Variants in DYM observed in about 807,000 individuals in gnomAD.
The protein encoded by DYM is dymeclin.
DYM carries 78 observed loss-of-function variants against 93.1 expected under a neutral mutation model. That is an observed-to-expected ratio of 0.84 (90% CI 0.70 to 1.01). The LOEUF (loss-of-function observed/expected upper bound fraction) is 1.01, where lower values mean the gene tolerates loss of function less well. DYM is among the 50% of genes least tolerant of loss of function. The pLI is 0.00. For synonymous variants in DYM, 321 were observed against 319.7 expected (o/e 1.00, Z -0.04); for missense variants, 789 against 845.0 (o/e 0.93, Z 0.82).
chr18:49,335,784 G>C (rs2063613038), intron 6 of DYM, among the ~76,000 whole-genome samples: 1 of 151,462 alleles, frequency 6.6e-6, no homozygotes, highest in Non-Finnish European at 1.5e-5. Context: ...GGATGACTAT[G>C]TCCAATACAT....
chr18:49,084,871 T>C (rs111636841), intron 17 of DYM, among the ~76,000 whole-genome samples: 8 of 152,216 alleles, frequency 5.3e-5, no homozygotes. Flanking sequence ...TACACGCAGA[T>C]GGTAAAATTA....
intron 2 of DYM, among the ~76,000 whole-genome samples, chr18:49,421,005 G>A (rs2148339291): frequency 6.6e-6 from 1 of 152,226 alleles, no homozygotes; most frequent in Admixed American, 6.5e-5. Context: ...CCTAAACAAA[G>A]CAGCCGGGAA....
At chr18:49,252,076 T>C (rs2094299788) in intron 13 of DYM, among the ~76,000 whole-genome samples, 1 of 151,432 alleles carries the variant, frequency 6.6e-6, no homozygotes, top group African/African-American at 2.4e-5. Flanking sequence ...TAGCCAGGCA[T>C]GGTGGCATGC....
chr18:49,246,528 T>C lies in DYM; in HGVS notation c.1460+10482A>G, dbSNP rs116866042. Reference sequence around the variant, plus strand: ...TCTTTTCTCTCTGTTCTGGGAAAAATACTAGGCTATGAACCTAGATGACTT... The same window carrying C: ...TCTTTTCTCTCTGTTCTGGGAAAAACACTAGGCTATGAACCTAGATGACTT... On this transcript the variant is annotated intron_variant, in intron 13 of 17. Transcript: ENST00000675505. Among the ~76,000 whole-genome samples the C allele has an allele frequency of 3.0e-3, 445 of 150,008 alleles. 10 individuals are homozygous for C. The East Asian group carries it at 0.051, about 17-fold the overall frequency.
At chr18:49,255,455 A>C (rs2094372851) in intron 13 of DYM, among the ~76,000 whole-genome samples, 1 of 152,106 alleles carries the variant, frequency 6.6e-6, no homozygotes, top group South Asian at 2.1e-4. Context: ...TGGGCGGATC[A>C]TGAGGTTAGG....
At chr18:49,357,172 T>G (rs2065640281) in intron 6 of DYM, among the ~76,000 whole-genome samples, 1 of 152,232 alleles carries the variant, frequency 6.6e-6, no homozygotes, top group African/African-American at 2.4e-5. Context: ...CAACTCCAAA[T>G]GACTGTGGCA....
chr18:49,292,351 GACAGACACACACACACAC>G (rs1248031001), intron 8 of DYM, among the ~76,000 whole-genome samples: 5 of 106,674 alleles, frequency 4.7e-5, no homozygotes, highest in South Asian at 7.1e-4. Context: ...CAGACAGACA[GACAGACACACACACACAC>G]ACACACACAC....
At chr18:49,294,922 T>G (rs916555276) in intron 8 of DYM, among the ~76,000 whole-genome samples, 2 of 152,182 alleles carry the variant, frequency 1.3e-5, no homozygotes, top group African/African-American at 4.8e-5. Context: ...GCAGGTCAGA[T>G]AGCAGAGATG....
rs896423328 is a variant in DYM at position 49,056,816 on chromosome 18, C to G, written c.2026-12612G>C. On this transcript the variant is annotated intron_variant, in intron 17 of 17. Coordinates refer to ENST00000675505, the MANE Select transcript of DYM (RefSeq NM_001353214.3). ...CCCACCTTGGCCTCCCAAAGTGCTG[C>G]GATTACAGGCGTGAGCCACCGCGCC... 6.6e-5 allele frequency among the ~76,000 whole-genome samples: 10 copies of G among 151,980 alleles called. 1 individual carries two copies. The highest frequency in any genetic ancestry group is 1.9e-4 in the East Asian group (1 of 5,190).
chr18:49,215,451 G>A (rs1017912563), intron 13 of DYM, among the ~76,000 whole-genome samples: 7 of 152,156 alleles, frequency 4.6e-5, no homozygotes, highest in Admixed American at 4.6e-4. Flanking sequence ...TTTTATTATA[G>A]TTTTGAAATT....
At chr18:49,390,135 T>C (rs549049446) in intron 3 of DYM, among the ~76,000 whole-genome samples, 14 of 152,308 alleles carry the variant, frequency 9.2e-5, no homozygotes, top group South Asian at 2.1e-4. Flanking sequence ...ACAAAAATAT[T>C]TGGGCCCAGG....
intron 13 of DYM, among the ~76,000 whole-genome samples, chr18:49,220,884 C>G (rs2093322319): frequency 6.6e-6 from 1 of 152,160 alleles, no homozygotes; most frequent in Non-Finnish European, 1.5e-5. Flanking sequence ...GCAATGGCAA[C>G]AAAAGCCAAA....
chr18:49,171,544 C>T (rs886512532), intron 14 of DYM, among the ~76,000 whole-genome samples: 4 of 151,994 alleles, frequency 2.6e-5, no homozygotes, highest in Admixed American at 2.6e-4. Context: ...CTTTATAAAT[C>T]CTAAAGAGCT....
chr18:49,151,564 A>G (rs1483131101), intron 15 of DYM, among the ~76,000 whole-genome samples: 1 of 152,184 alleles, frequency 6.6e-6, no homozygotes, highest in Non-Finnish European at 1.5e-5. Context: ...ACTGCTTTTT[A>G]ATAACCCTCA....
chr18:49,434,768 C>T (rs983240464), intron 1 of DYM, among the ~76,000 whole-genome samples: 1 of 151,882 alleles, frequency 6.6e-6, no homozygotes, highest in Non-Finnish European at 1.5e-5. Flanking sequence ...GGGTTAGATA[C>T]CAGCCTGGGC....
intron 11 of DYM, among the ~76,000 whole-genome samples, chr18:49,265,715 T>A (rs1179928389): frequency 7.0e-6 from 1 of 143,864 alleles, no homozygotes. Flanking sequence ...GAGGCAGAGG[T>A]TGTGGTGAGC....
intron 14 of DYM, among the ~76,000 whole-genome samples, chr18:49,169,371 T>C (rs1231317324): frequency 2.0e-5 from 3 of 152,130 alleles, no homozygotes; most frequent in East Asian, 3.9e-4. Flanking sequence ...GGCAGAGAAA[T>C]ACGAGTCCTG....
intron 1 of DYM, among the ~76,000 whole-genome samples, chr18:49,433,594 T>C (rs2080532475): frequency 1.3e-5 from 2 of 152,144 alleles, no homozygotes; most frequent in South Asian, 4.1e-4. Context: ...AATAAGGAAG[T>C]AGGGCCAGGT....
At chr18:49,419,296 T>C (rs1458545461) in intron 2 of DYM, among the ~76,000 whole-genome samples, 1 of 151,822 alleles carries the variant, frequency 6.6e-6, no homozygotes, top group African/African-American at 2.4e-5. Context: ...GAGGCGGAGG[T>C]CGCAGTGAGC....
Sources: allele counts gnomAD v4.1 joint callset (sites outside exome capture counted in the v4.1 genomes callset), GRCh38; gene constraint gnomAD v4.1.1; transcripts MANE v1.5; gene names NCBI Gene and HGNC (gene_info 2026-07-23, HGNC 2026-07-21).